Variants in ZNF727 observed in about 807,000 individuals in gnomAD.
ZNF727 encodes the protein zinc finger protein 727.
In ZNF727, 11 loss-of-function variants were observed where a neutral mutation model predicts 11.5. The observed-to-expected ratio is 0.95, with a 90% CI of 0.60 to 1.58. The LOEUF (loss-of-function observed/expected upper bound fraction) is 1.58. ZNF727 is among the 40% of genes most tolerant of loss of function. The pLI is 0.00. For missense variants in ZNF727, 533 were observed against 581.7 expected, an observed-to-expected ratio of 0.92 and a Z score of 0.86; for synonymous variants, 171 against 196.1, an observed-to-expected ratio of 0.87 and a Z score of 1.07.
At chr7:64,066,271 ATTAACTT>A (rs923124294) in intron 1 of ZNF727, among the ~76,000 whole-genome samples, 2 of 152,156 alleles carry the variant, frequency 1.3e-5, no homozygotes, top group African/African-American at 4.8e-5. Context: ...TCAAGTTACC[ATTAACTT>A]TCTTTGCAGA....
Position 64,077,972 on chromosome 7 carries a change from G to C in ZNF727, c.923G>C (p.Gly308Ala). The change falls in exon 4 of 4, where the codon GGA (glycine) becomes GCA (alanine). Residue 308 changes from glycine to alanine, a missense_variant. This residue lies in a region of ZNF727 where 463 missense variants were observed against 494.5 expected (regional missense o/e 0.94). Coordinates refer to ENST00000456806, the MANE Select transcript of ZNF727 (RefSeq NM_001159522.3). ...ACTAAACATAAGAGAATTCATACTG[G>C]AGAGAAACCCTACAAATGTAATGAA... ...DLTKHKRIHT[G>A]EKPYKCNECG... 1 of 1,596,160 alleles carries C rather than the reference G, an allele frequency of 6.3e-7. No individual in the cohort carries two copies. The highest frequency in any genetic ancestry group is 8.5e-7 in the Non-Finnish European group (1 of 1,170,806).
chr7:64,057,834 C>T (rs1193184123), intron 1 of ZNF727, among the ~76,000 whole-genome samples: 2 of 151,972 alleles, frequency 1.3e-5, no homozygotes, highest in Non-Finnish European at 2.9e-5. Flanking sequence ...TCTCTTAATG[C>T]AGTTATATTC....
At chr7:64,065,838 T>C (rs1192779896) in intron 1 of ZNF727, among the ~76,000 whole-genome samples, 1 of 151,924 alleles carries the variant, frequency 6.6e-6, no homozygotes, top group Non-Finnish European at 1.5e-5. Context: ...ACATTGTAGC[T>C]TTTAATAAGC....
chr7:64,078,179 T>C lies in ZNF727; in HGVS notation c.1130T>C (p.Phe377Ser), dbSNP rs1785718262. 6.3e-7 allele frequency: 1 copy of C among 1,596,854 alleles called. No homozygotes were observed. Among genetic ancestry groups the C allele is most frequent in the Non-Finnish European group, 8.5e-7 (1 of 1,171,102 alleles). ...AAATGTGAAGAATGTGGCAAAACCT[T>C]TAAGTGGTTCTCAGACCTGACTAAT... ...PYKCEECGKT[F>S]KWFSDLTNHK... Residue 377 changes from phenylalanine to serine, a missense_variant, in exon 4 of 4, where the codon TTT becomes TCT. Coordinates refer to ENST00000456806, the MANE Select transcript of ZNF727 (RefSeq NM_001159522.3).
At chr7:64,052,200 A>G (rs1208566077) in intron 1 of ZNF727, among the ~76,000 whole-genome samples, 1 of 152,114 alleles carries the variant, frequency 6.6e-6, no homozygotes, top group Non-Finnish European at 1.5e-5. Context: ...CTGGGTGAGC[A>G]ATGCTTATGT....
chr7:64,062,685 AATATATAT>A (rs71057374), intron 1 of ZNF727, among the ~76,000 whole-genome samples: 1 of 89,980 alleles, frequency 1.1e-5, no homozygotes, highest in Non-Finnish European at 2.4e-5. Flanking sequence ...CTTGTACTTG[AATATATAT>A]ATATATATAT....
At position 64,078,684 on chromosome 7, in the gene ZNF727, A is replaced by T. The variant is rs1426746991; in HGVS notation, c.*135A>T. ...TTGTGAAGAATGTGGCAAAGCCTTT[A>T]TCCGCTCCTCAACCCTTACAAGCCA... On this transcript the variant is annotated 3_prime_UTR_variant, in exon 4 of 4. Transcript: ENST00000456806. 1 of 1,287,362 alleles carries T rather than the reference A, an allele frequency of 7.8e-7. No homozygotes were observed. The highest frequency in any genetic ancestry group is 1.1e-6 in the Non-Finnish European group (1 of 892,068). The allele number at this position is 1,287,362 out of a possible 1,614,324, so 79.7% of individuals were successfully genotyped here.
In ZNF727 at chr7:64,080,789, T is replaced by G. The variant is rs1167735567; in HGVS notation, c.*2240T>G. On this transcript the variant is annotated 3_prime_UTR_variant, in exon 4 of 4. Transcript: ENST00000456806. ...TGAACTTTGAATGGGGTTTGGTTTT[T>G]TGGATCCTATTTGATGGTCTTGAGT... 7.9e-5 allele frequency among the ~76,000 whole-genome samples: 12 copies of G among 152,198 alleles called. No homozygotes were observed. The highest frequency in any genetic ancestry group is 5.9e-5 in the Non-Finnish European group (4 of 68,036).
In ZNF727 at chr7:64,080,547, C is replaced by T. The variant is rs1785770008; in HGVS notation, c.*1998C>T. Among the ~76,000 whole-genome samples, 1 of 152,092 alleles carries T rather than the reference C, an allele frequency of 6.6e-6. No individual in the cohort carries two copies. Among genetic ancestry groups the T allele is most frequent in the Non-Finnish European group, 1.5e-5 (1 of 68,018 alleles). On this transcript the variant is annotated 3_prime_UTR_variant, in exon 4 of 4. Transcript: ENST00000456806. Reference sequence around the variant, plus strand: ...TGGCTGTTTTTTCCATCACTTCCTGCAATTATTTTTTTCTTCTTTGCATTG... The same window carrying T: ...TGGCTGTTTTTTCCATCACTTCCTGTAATTATTTTTTTCTTCTTTGCATTG...
At chr7:64,054,232 G>C (rs1263951650) in intron 1 of ZNF727, among the ~76,000 whole-genome samples, 1 of 152,152 alleles carries the variant, frequency 6.6e-6, no homozygotes, top group Non-Finnish European at 1.5e-5. Context: ...GTTGGTCTAT[G>C]CAGTGAAAGA....
Position 64,077,300 on chromosome 7 carries a change from A to G in ZNF727, c.251A>G (p.Glu84Gly). 6.5e-7 allele frequency: 1 copy of G among 1,529,326 alleles called. No homozygotes were observed. The highest frequency in any genetic ancestry group is 8.8e-7 in the Non-Finnish European group (1 of 1,138,294). The allele number at this position is 1,529,326 out of a possible 1,614,324, so 94.7% of individuals were successfully genotyped here. A position where few individuals can be genotyped will look rare whatever the true frequency, so the allele number is the denominator to read the frequency against. ...HPAGSLHFTA[E>G]ILLEHDINDS... ...GCTGGCTCTTTGCATTTTACTGCAGAGATATTGCTGGAGCACGACATAAAC... is the reference window on the plus strand; with the variant it reads ...GCTGGCTCTTTGCATTTTACTGCAGGGATATTGCTGGAGCACGACATAAAC... Residue 84 changes from glutamate (E) to glycine (G), a missense_variant, in exon 4 of 4, where the codon GAG becomes GGG. Physicochemically the swap from Glu to Gly is moderately conservative, Grantham distance 98. This residue lies in a region of ZNF727 where 463 missense variants were observed against 494.5 expected (regional missense o/e 0.94). Transcript: ENST00000456806.
rs1470281887 is a variant in ZNF727, at chr7:64,078,480, C to G, written c.1431C>G (p.Asp477Glu). 6.4e-7 allele frequency: 1 copy of G among 1,565,428 alleles called. No individual in the cohort carries two copies. The highest frequency in any genetic ancestry group is 8.7e-7 in the Non-Finnish European group (1 of 1,154,944). ...LIKHKRSHTGDRPTSAKNVAK... is the reference protein window; with the variant it reads ...LIKHKRSHTGERPTSAKNVAK... ...AACACAAGAGAAGTCATACTGGAGA[C>G]AGACCTACAAGTGCAAAGAATGTGG... Residue 477 changes from aspartate to glutamate, a missense_variant, in exon 4 of 4, where the codon GAC becomes GAG. This residue lies in a region of ZNF727 where 54 missense variants were observed against 48.6 expected (regional missense o/e 1.11). Coordinates refer to ENST00000456806, the MANE Select transcript of ZNF727 (RefSeq NM_001159522.3).
chr7:64,072,775 C>T (rs750741775), intron 3 of ZNF727, among the ~76,000 whole-genome samples: 20 of 152,060 alleles, frequency 1.3e-4, no homozygotes, highest in East Asian at 1.9e-4. Context: ...TCAAGTTTGC[C>T]GCCTGAATGA....
Position 64,078,619 on chromosome 7 carries a change from G to C in ZNF727, c.*70G>C. ...GCTTTTACGTGGATCTTGGCCCTTA[G>C]TAAACACAAGAGAATTCATACTGGA... On this transcript the variant is annotated 3_prime_UTR_variant, in exon 4 of 4. Coordinates refer to ENST00000456806, the MANE Select transcript of ZNF727 (RefSeq NM_001159522.3). The C allele has an allele frequency of 6.9e-7, 1 of 1,452,046 alleles. No individual in the cohort carries two copies. Among genetic ancestry groups the C allele is most frequent in the South Asian group, 1.2e-5 (1 of 83,434 alleles). 89.9% of individuals were successfully genotyped at this position (1,452,046 alleles called of 1,614,324 possible).
At chr7:64,065,530 A>T (rs1470674318) in intron 1 of ZNF727, among the ~76,000 whole-genome samples, 2 of 152,216 alleles carry the variant, frequency 1.3e-5, no homozygotes, top group African/African-American at 4.8e-5. Flanking sequence ...CTTCAAAGGC[A>T]TATTCTCAAG....
chr7:64,057,004 T>A (rs1180639275), intron 1 of ZNF727, among the ~76,000 whole-genome samples: 1 of 152,116 alleles, frequency 6.6e-6, no homozygotes, highest in Non-Finnish European at 1.5e-5. Flanking sequence ...ACATGTAAAT[T>A]CTGTGAGTTC....
At chr7:64,073,281 C>T (rs1789990333) in intron 3 of ZNF727, among the ~76,000 whole-genome samples, 1 of 144,976 alleles carries the variant, frequency 6.9e-6, no homozygotes, top group Admixed American at 7.1e-5. Flanking sequence ...TTACATATTC[C>T]ATGTTGATGT....
intron 1 of ZNF727, 92 bp from the exon 2 acceptor site, chr7:64,068,793 CATATAA>C: frequency 7.3e-7 from 1 of 1,365,058 alleles, no homozygotes. Flanking sequence ...TCCAGTAACT[CATATAA>C]GTCAGAACCA....
chr7:64,067,347 T>C (rs374281327), intron 1 of ZNF727, among the ~76,000 whole-genome samples: 27 of 152,210 alleles, frequency 1.8e-4, no homozygotes, highest in African/African-American at 6.5e-4. Flanking sequence ...TCCTCAAGGG[T>C]ATAGAACCAG....
Sources: allele counts gnomAD v4.1 joint callset (sites outside exome capture counted in the v4.1 genomes callset), GRCh38; gene constraint gnomAD v4.1.1; regional missense constraint gnomAD v4.1.1; transcripts MANE v1.5; gene names NCBI Gene and HGNC (gene_info 2026-07-23, HGNC 2026-07-21).